TXN2: variants seen among roughly 807,000 people sequenced by gnomAD.
The protein encoded by TXN2 is thioredoxin 2.
Under a neutral mutation model 14.6 loss-of-function variants are expected in TXN2, and 12 were observed. The observed-to-expected ratio is 0.82, with a 90% CI of 0.53 to 1.33. TXN2 has a LOEUF of 1.33. Among genes scored for constraint, TXN2 ranks in the 40% most tolerant of loss-of-function variants. TXN2 has a pLI of 0.00. For missense variants in TXN2, 173 were observed against 207.7 expected (o/e 0.83, Z 1.03); for synonymous variants, 89 against 81.0 (o/e 1.10, Z -0.53).
At position 36,481,594 on chromosome 22, in the gene TXN2, G is replaced by A. The variant is rs1002377564; in HGVS notation, c.-31C>T. 2.3e-5 allele frequency: 23 copies of A among 999,706 alleles called. No homozygotes were observed. The highest frequency in any genetic ancestry group is 2.5e-5 in the Non-Finnish European group (21 of 830,000). 61.9% of individuals were successfully genotyped at this position (999,706 alleles called of 1,614,324 possible). On this transcript the variant is annotated 5_prime_UTR_variant, in exon 1 of 4. Transcript: ENST00000216185. ...TGCAATGCGAGCGGAGGGATGCACAGCCTAGCCCTCCCTGCCTGTCAAGGG... is the reference window on the plus strand; with the variant it reads ...TGCAATGCGAGCGGAGGGATGCACAACCTAGCCCTCCCTGCCTGTCAAGGG...
intron 3 of TXN2, 146 bp downstream of exon 3, chr22:36,476,587 G>T: frequency 1.7e-6 from 2 of 1,145,540 alleles, no homozygotes; most frequent in Admixed American, 2.3e-5. Flanking sequence ...GAGAGATTCC[G>T]TCTCAAAAAA....
chr22:36,480,621 G>C lies in TXN2; in HGVS notation c.217C>G (p.Arg73Gly), dbSNP rs772829928. 8 of 1,614,118 alleles carry C rather than the reference G, an allele frequency of 5.0e-6. No homozygotes were observed. The highest frequency in any genetic ancestry group is 3.3e-5 in the South Asian group (3 of 91,076). ...NIQDGPDFQDRVVNSETPVVV... is the reference protein window; with the variant it reads ...NIQDGPDFQDGVVNSETPVVV... ...ACTGGTGTCTCACTGTTGACCACTC[G>C]GTCTTGAAAGTCAGGTCCATCCTGG... The change falls in exon 2 of 4, where the codon CGA (arginine) becomes GGA (glycine). Residue 73 changes from arginine (R) to glycine (G), a missense_variant. Transcript: ENST00000216185.
intron 1 of TXN2, 71 bp from the exon 2 acceptor site, chr22:36,480,908 A>G (rs1933488988): frequency 1.3e-6 from 2 of 1,489,238 alleles, no homozygotes; most frequent in South Asian, 1.4e-5. Context: ...AGATTTGGGG[A>G]GTACTCAGGG....
At position 36,467,213 on chromosome 22, in the gene TXN2, G is replaced by C. The variant is rs1933177607; in HGVS notation, c.*591C>G. On this transcript the variant is annotated 3_prime_UTR_variant, in exon 4 of 4. Transcript: ENST00000216185. ...ATCATTTTCTGCACCCCCTGCCTGG[G>C]AGGCAGCTCCCTGGGGGGTGGGAAT... 2 of 152,828 alleles carry C rather than the reference G, an allele frequency of 1.3e-5. No individual in the cohort carries two copies. Among genetic ancestry groups the C allele is most frequent in the African/African-American group, 4.8e-5 (2 of 41,450 alleles). The allele number at this position is 152,828 out of a possible 1,614,324, so 9.5% of individuals were successfully genotyped here.
intron 3 of TXN2, among the ~76,000 whole-genome samples, chr22:36,471,887 T>C (rs1933284518): frequency 6.6e-6 from 1 of 151,602 alleles, no homozygotes; most frequent in African/African-American, 2.4e-5. Context: ...GGAGAAGTGC[T>C]TGAATGCGGG....
intron 3 of TXN2, among the ~76,000 whole-genome samples, chr22:36,470,814 CATA>C (rs764502047): frequency 4.0e-5 from 6 of 151,332 alleles, no homozygotes; most frequent in African/African-American, 1.5e-4. Context: ...AGATGAAGGC[CATA>C]ATGATCTCAC....
intron 1 of TXN2, 172 bp downstream of exon 1, chr22:36,481,383 GGGAACCAAT>G (rs1163665234): frequency 6.2e-6 from 1 of 162,424 alleles, no homozygotes; most frequent in Non-Finnish European, 1.4e-5. Context: ...ATGTACTGGA[GGGAACCAAT>G]AAAGAAGGGA....
At chr22:36,480,182 C>A (rs148605268) in intron 2 of TXN2, among the ~76,000 whole-genome samples, 68 of 152,298 alleles carry the variant, frequency 4.5e-4, no homozygotes, top group African/African-American at 1.6e-3. Context: ...CGCACCCGGC[C>A]GACACTGATA....
chr22:36,469,507 C>T (rs1444434923), intron 3 of TXN2, among the ~76,000 whole-genome samples: 1 of 152,186 alleles, frequency 6.6e-6, no homozygotes. Context: ...GGACAACATT[C>T]TTGGTCTGTG....
intron 3 of TXN2, among the ~76,000 whole-genome samples, chr22:36,475,342 C>T (rs1933365238): frequency 6.6e-6 from 1 of 152,218 alleles, no homozygotes; most frequent in Non-Finnish European, 1.5e-5. Context: ...TGTGCCACTG[C>T]ACTCCAGCTT....
chr22:36,468,862 T>G (rs1568975091), intron 3 of TXN2: 1 of 287,992 alleles, frequency 3.5e-6, no homozygotes, highest in Non-Finnish European at 6.9e-6. Flanking sequence ...GCCAACATGG[T>G]GAAACCCTGT....
rs1933462924 is a variant in TXN2 at position 36,479,898 on chromosome 22, T to C, written c.263+677A>G. 2.0e-5 allele frequency among the ~76,000 whole-genome samples: 3 copies of C among 150,154 alleles called. No individual in the cohort carries two copies. The South Asian group carries it at 6.2e-4, about 31-fold the overall frequency. On this transcript the variant is annotated intron_variant, in intron 2 of 3. Transcript: ENST00000216185. ...CACCGATAACTTTTTTTTTTTTTTT[T>C]TGAGATGGAATTTCACTCTTTTTGC...
At chr22:36,468,859 T>A in intron 3 of TXN2, 1 of 290,118 alleles carries the variant, frequency 3.4e-6, no homozygotes, top group Non-Finnish European at 6.9e-6. Flanking sequence ...CTGGCCAACA[T>A]GGTGAAACCC....
chr22:36,470,003 G>T (rs1933240651), intron 3 of TXN2, among the ~76,000 whole-genome samples: 1 of 152,060 alleles, frequency 6.6e-6, no homozygotes, highest in Non-Finnish European at 1.5e-5. Context: ...GATAAACACA[G>T]ACTTTTCTTA....
intron 2 of TXN2, among the ~76,000 whole-genome samples, chr22:36,479,532 A>G (rs1323066404): frequency 1.3e-5 from 2 of 151,958 alleles, no homozygotes; most frequent in African/African-American, 2.4e-5. Context: ...GGGTTTCACT[A>G]TGTTGGCTGG....
chr22:36,476,571 G>A (rs1219821378), intron 3 of TXN2, among the ~76,000 whole-genome samples, 162 bp downstream of exon 3: 1 of 151,746 alleles, frequency 6.6e-6, no homozygotes, highest in Non-Finnish European at 1.5e-5. Flanking sequence ...TAGCCCAGGT[G>A]ACAGTGAGAG....
At position 36,476,721 on chromosome 22, in the gene TXN2, G is replaced by A. The variant is rs748478639; in HGVS notation, c.387+12C>T. On this transcript the variant is annotated intron_variant, in intron 3 of 3. Transcript: ENST00000216185. Reference sequence around the variant, plus strand: ...ACTGGCTTCCCTGTGGCAACTCCCTGTCAATCCATACCTCATACTCAATGG... The same window carrying A: ...ACTGGCTTCCCTGTGGCAACTCCCTATCAATCCATACCTCATACTCAATGG... 1.7e-5 allele frequency: 28 copies of A among 1,613,938 alleles called. 1 individual carries two copies. The South Asian group carries it at 3.0e-4, about 17-fold the overall frequency.
intron 3 of TXN2, among the ~76,000 whole-genome samples, chr22:36,471,329 C>T (rs1343091024): frequency 6.6e-6 from 1 of 152,198 alleles, no homozygotes; most frequent in South Asian, 2.1e-4. Context: ...GGAGTGTGTA[C>T]GTGTGCGCAG....
chr22:36,475,502 C>T (rs1933368070), intron 3 of TXN2, among the ~76,000 whole-genome samples: 1 of 152,232 alleles, frequency 6.6e-6, no homozygotes, highest in Non-Finnish European at 1.5e-5. Context: ...CCCAATACAG[C>T]CTACTGCTTG....
Sources: allele counts gnomAD v4.1 joint callset (sites outside exome capture counted in the v4.1 genomes callset), GRCh38; gene constraint gnomAD v4.1.1; transcripts MANE v1.5; gene names NCBI Gene and HGNC (gene_info 2026-07-23, HGNC 2026-07-21).